PON3: variants seen among roughly 807,000 people sequenced by gnomAD.
PON3 encodes the protein paraoxonase 3.
In PON3, 37 loss-of-function variants were observed where a neutral mutation model predicts 36.3. That is an observed-to-expected ratio of 1.02 (90% CI 0.78 to 1.34). PON3 has a LOEUF of 1.34. Ranked by LOEUF, PON3 falls within the 40% of genes most tolerant of loss-of-function variation. The pLI is 0.00. For synonymous variants in PON3, 155 were observed against 154.8 expected (o/e 1.00, Z -0.01); for missense variants, 415 against 426.5 (o/e 0.97, Z 0.24).
chr7:95,368,547 C>G (rs1466103502), intron 4 of PON3, among the ~76,000 whole-genome samples: 1 of 152,184 alleles, frequency 6.6e-6, no homozygotes, highest in Non-Finnish European at 1.5e-5. Context: ...CTTGTGCTAG[C>G]CTGATTTCAT....
At chr7:95,374,056 A>T in intron 3 of PON3, among the ~76,000 whole-genome samples, 1 of 152,112 alleles carries the variant, frequency 6.6e-6, no homozygotes, top group East Asian at 1.9e-4. Context: ...ATGCCTGATG[A>T]TCTGAGGTAG....
At chr7:95,384,250 C>A (rs544436651) in intron 3 of PON3, among the ~76,000 whole-genome samples, 3 of 152,116 alleles carry the variant, frequency 2.0e-5, no homozygotes, top group Admixed American at 2.0e-4. Context: ...CCATAAAAAC[C>A]CTAGAAGAAA....
Position 95,367,366 on chromosome 7 carries a change from T to C in PON3, c.490A>G (p.Lys164Glu), listed in dbSNP as rs763803952. 51 of 1,612,162 alleles carry C rather than the reference T, an allele frequency of 3.2e-5. No individual in the cohort carries two copies. Among genetic ancestry groups the C allele is most frequent in the Non-Finnish European group, 3.7e-5 (44 of 1,179,626 alleles). ...CACAATACTTTCATTCCATACCTTT[T>C]GAGAAGTTCATGTTTTATAGTTTTC... ...YLKTIKHELL[K>E]SVNDIVVLGP... is the part of the protein sequence containing the mutation. The change falls in exon 5 of 9, where the codon AAA (lysine) becomes GAA (glutamate). Residue 164 changes from lysine (K) to glutamate (E), a missense_variant. Lys to Glu is a moderately conservative substitution (Grantham distance 56). Coordinates refer to ENST00000265627, the MANE Select transcript of PON3 (RefSeq NM_000940.3).
chr7:95,390,303 T>G, intron 2 of PON3, 94 bp from the exon 3 acceptor site: 1 of 1,039,476 alleles, frequency 9.6e-7, no homozygotes, highest in Non-Finnish European at 1.5e-6. Context: ...TGGAAACTTC[T>G]TTTGGAAATT....
chr7:95,361,855 T>G (rs1466824575), intron 8 of PON3, among the ~76,000 whole-genome samples: 2 of 152,166 alleles, frequency 1.3e-5, no homozygotes, highest in Non-Finnish European at 2.9e-5. Context: ...TATGCTATTG[T>G]TTTAGAAGAG....
At chr7:95,379,979 T>C (rs927116544) in intron 3 of PON3, among the ~76,000 whole-genome samples, 38 of 152,268 alleles carry the variant, frequency 2.5e-4, no homozygotes, top group Non-Finnish European at 5.4e-4. Flanking sequence ...ACACCTCACA[T>C]GGCCAGGTAC....
At chr7:95,385,104 CA>C (rs1476414547) in intron 3 of PON3, among the ~76,000 whole-genome samples, 1 of 151,808 alleles carries the variant, frequency 6.6e-6, no homozygotes, top group Non-Finnish European at 1.5e-5. Flanking sequence ...ATCGCAAGGA[CA>C]AAAAACCAAA....
intron 3 of PON3, among the ~76,000 whole-genome samples, chr7:95,387,203 T>G (rs1809215017): frequency 6.6e-6 from 1 of 152,182 alleles, no homozygotes; most frequent in Non-Finnish European, 1.5e-5. Flanking sequence ...ATTGTCTCTG[T>G]CTGCAGATGA....
Position 95,360,004 on chromosome 7 carries a change from A to G in PON3, c.1034T>C (p.Val345Ala). The G allele has an allele frequency of 6.2e-7, 1 of 1,612,610 alleles. No homozygotes were observed. Among genetic ancestry groups the G allele is most frequent in the East Asian group, 2.2e-5 (1 of 44,816 alleles). ...CTCACAGTACAGAGTTTTGTGAAAT[A>G]CGGTGCCTATGAGAATTTTCCCATG... ...VYHGKILIGT[V>A]FHKTLYCEL The change falls in exon 9 of 9, where the codon GTA becomes GCA. Residue 345 changes from valine (V) to alanine (A), a missense_variant. By Grantham distance (64) the Val-to-Ala change is moderately conservative (BLOSUM62 0). Coordinates refer to ENST00000265627, the MANE Select transcript of PON3 (RefSeq NM_000940.3).
chr7:95,364,007 T>C lies in PON3; in HGVS notation c.551A>G (p.Tyr184Cys). ...AAATGACAGGAGGGAGTTGGTAAAATAGTGGTCTCTGGTGGCATAGAACTG... is the reference window on the plus strand; with the variant it reads ...AAATGACAGGAGGGAGTTGGTAAAACAGTGGTCTCTGGTGGCATAGAACTG... Reference protein sequence around the residue: ...PEQFYATRDHYFTNSLLSFFE... With the variant: ...PEQFYATRDHCFTNSLLSFFE... Residue 184 changes from tyrosine to cysteine, a missense_variant, in exon 6 of 9, where the codon TAT (tyrosine) becomes TGT (cysteine). Transcript: ENST00000265627. 2 of 1,613,858 alleles carry C rather than the reference T, an allele frequency of 1.2e-6. No individual in the cohort carries two copies. Among genetic ancestry groups the C allele is most frequent in the Non-Finnish European group, 1.7e-6 (2 of 1,179,816 alleles).
chr7:95,372,149 T>C, intron 4 of PON3, 24 bp downstream of exon 4: 1 of 1,606,352 alleles, frequency 6.2e-7, no homozygotes, highest in Admixed American at 1.7e-5. Context: ...ATTTCCCCCT[T>C]ATCCCTAAAC....
intron 3 of PON3, among the ~76,000 whole-genome samples, chr7:95,389,682 G>C (rs1285322299): frequency 6.6e-6 from 1 of 152,162 alleles, no homozygotes; most frequent in Non-Finnish European, 1.5e-5. Flanking sequence ...GGGAACCCAA[G>C]ATGGAACGTG....
In PON3 at chr7:95,390,564, C is replaced by T. The variant is rs545978929; in HGVS notation, c.146-355G>A. On this transcript the variant is annotated intron_variant, in intron 2 of 8. Transcript: ENST00000265627. ...CCCCCATAGAAGGCTGCTCTATAGA[C>T]TCAGTGATAAAATCTGGAAAGTCAT... Among the ~76,000 whole-genome samples the T allele has an allele frequency of 2.0e-5, 3 of 152,294 alleles. No individual in the cohort carries two copies. In the East Asian group the frequency reaches 5.8e-4, roughly 29 times the overall value.
chr7:95,364,343 T>G (rs1027872542), intron 5 of PON3: 2 of 459,388 alleles, frequency 4.4e-6, no homozygotes, highest in Non-Finnish European at 8.0e-6. Context: ...ATCTGTTGAC[T>G]TGTAAATGTT....
chr7:95,391,153 C>T (rs562638624), intron 2 of PON3, among the ~76,000 whole-genome samples: 15 of 152,302 alleles, frequency 9.8e-5, no homozygotes, highest in African/African-American at 3.6e-4. Flanking sequence ...CACATCAAAG[C>T]ATTACTATCA....
chr7:95,379,773 G>T (rs2116403128), intron 3 of PON3, among the ~76,000 whole-genome samples: 1 of 152,344 alleles, frequency 6.6e-6, no homozygotes, highest in Admixed American at 6.5e-5. Flanking sequence ...CTCCACCTCT[G>T]GGGGCAGGGC....
At chr7:95,386,410 C>T (rs1224561927) in intron 3 of PON3, among the ~76,000 whole-genome samples, 1 of 152,146 alleles carries the variant, frequency 6.6e-6, no homozygotes, top group African/African-American at 2.4e-5. Flanking sequence ...TCGACACATA[C>T]ATCCTCCCAA....
intron 3 of PON3, among the ~76,000 whole-genome samples, chr7:95,387,750 A>C (rs1809229780): frequency 6.6e-6 from 1 of 152,352 alleles, no homozygotes; most frequent in South Asian, 2.1e-4. Context: ...AGGCTACAGT[A>C]ACCAAAACAG....
Position 95,367,381 on chromosome 7 carries a change from T to A in PON3, c.475A>T (p.Lys159Ter). ...CCATACCTTTTGAGAAGTTCATGTT[T>A]TATAGTTTTCAGGTATACCAGAGAA... ...QRSLVYLKTI[K>*]HELLKSVNDI... Residue 159 changes from lysine (K) to a stop codon, truncating the protein, a stop_gained, in exon 5 of 9, where the codon AAA becomes TAA. Transcript: ENST00000265627. LOFTEE classifies it high-confidence loss of function. 6.2e-7 allele frequency: 1 copy of A among 1,612,972 alleles called. No individual in the cohort carries two copies. Among genetic ancestry groups the A allele is most frequent in the East Asian group, 2.2e-5 (1 of 44,852 alleles).
Sources: allele counts gnomAD v4.1 joint callset (sites outside exome capture counted in the v4.1 genomes callset), GRCh38; gene constraint gnomAD v4.1.1; transcripts MANE v1.5; gene names NCBI Gene and HGNC (gene_info 2026-07-23, HGNC 2026-07-21).